Variants in PCSK2 observed in about 807,000 individuals in gnomAD.
PCSK2 encodes neuroendocrine convertase 2.
PCSK2 carries 14 observed loss-of-function variants against 69.7 expected under a neutral mutation model. The observed-to-expected ratio is 0.20, with a 90% CI of 0.13 to 0.31. The LOEUF is 0.31. Ranked by LOEUF, PCSK2 falls within the 10% of genes least tolerant of loss-of-function variation. The pLI, the probability that PCSK2 is intolerant of heterozygous loss-of-function variation, is 1.00. For synonymous variants in PCSK2, 307 were observed against 320.7 expected, an observed-to-expected ratio of 0.96 and a Z score of 0.46; for missense variants, 544 against 842.5, an observed-to-expected ratio of 0.65 and a Z score of 4.39.
chr20:17,304,109 A>C (rs547099852), intron 2 of PCSK2, among the ~76,000 whole-genome samples: 1 of 152,106 alleles, frequency 6.6e-6, no homozygotes, highest in East Asian at 1.9e-4. Flanking sequence ...TTTCATCTAC[A>C]AAATGGAGAT....
intron 2 of PCSK2, among the ~76,000 whole-genome samples, chr20:17,262,590 G>A (rs1263960345): frequency 2.0e-5 from 3 of 152,044 alleles, no homozygotes; most frequent in Non-Finnish European, 4.4e-5. Context: ...AAATAGAGTG[G>A]CAACTATTCT....
At chr20:17,449,526 G>GTGTATATATATATGTATGTATGTATATA (rs1555796488) in intron 8 of PCSK2, among the ~76,000 whole-genome samples, 1 of 130,690 alleles carries the variant, frequency 7.7e-6, no homozygotes, top group African/African-American at 3.0e-5. Context: ...ATGTATGTAT[G>GTGTATATATATATGTATGTATGTATATA]TATATATATA....
At chr20:17,460,192 G>A (rs1185476279) in intron 10 of PCSK2, among the ~76,000 whole-genome samples, 2 of 151,424 alleles carry the variant, frequency 1.3e-5, no homozygotes, top group Non-Finnish European at 2.9e-5. Context: ...AAAAGGAGAA[G>A]CACAAAGGGC....
intron 5 of PCSK2, among the ~76,000 whole-genome samples, chr20:17,405,596 T>C (rs1199182860): frequency 1.3e-5 from 2 of 152,206 alleles, no homozygotes; most frequent in Non-Finnish European, 2.9e-5. Flanking sequence ...TCTGTGAATA[T>C]AATAAGTGAC....
rs895500352 is a variant in PCSK2 at position 17,369,253 on chromosome 20, C to A, written c.519C>A (p.Leu173=). The A allele has an allele frequency of 6.2e-7, 1 of 1,613,756 alleles. No individual in the cohort carries two copies. The highest frequency in any genetic ancestry group is 1.3e-5 in the African/African-American group (1 of 74,938). Residue 173 remains leucine (L), a synonymous_variant, in exon 5 of 12, where the codon CTC becomes CTA. Transcript: ENST00000262545. Reference sequence around the variant, plus strand: ...GTCTTTTCACAGGGATTGACTATCTCCACCCGGACCTGGCCTCCAACTATG... The same window carrying A: ...GTCTTTTCACAGGGATTGACTATCTACACCCGGACCTGGCCTCCAACTATG... ...IGIMDDGIDY[L]HPDLASNYNA...
At chr20:17,414,860 G>A (rs1259896411) in intron 6 of PCSK2, among the ~76,000 whole-genome samples, 1 of 152,148 alleles carries the variant, frequency 6.6e-6, no homozygotes, top group Non-Finnish European at 1.5e-5. Flanking sequence ...CTTCATCCCT[G>A]GAATGCAAGG....
chr20:17,256,401 T>A (rs1295923725), intron 1 of PCSK2, among the ~76,000 whole-genome samples: 1 of 152,138 alleles, frequency 6.6e-6, no homozygotes, highest in Non-Finnish European at 1.5e-5. Flanking sequence ...ACATCTGGGC[T>A]TCCTCAGAGA....
intron 1 of PCSK2, among the ~76,000 whole-genome samples, chr20:17,239,917 G>A (rs527957743): frequency 5.8e-4 from 80 of 138,354 alleles, no homozygotes; most frequent in South Asian, 4.0e-3. Flanking sequence ...GCAATGGCGC[G>A]ATCTCAGCTC....
chr20:17,227,495 A>G lies in PCSK2; in HGVS notation c.177+13A>G, dbSNP rs748078992. 2 of 1,607,630 alleles carry G rather than the reference A, an allele frequency of 1.2e-6. No individual in the cohort carries two copies. Among genetic ancestry groups the G allele is most frequent in the Non-Finnish European group, 1.7e-6 (2 of 1,174,786 alleles). ...TGGAGTCCGAAAGGTAAGCTCTCCC[A>G]TGCATTTCGCATGTTGTTTCAAAAC... On this transcript the variant is annotated intron_variant, in intron 1 of 11. Coordinates refer to ENST00000262545, the MANE Select transcript of PCSK2 (RefSeq NM_002594.5).
At chr20:17,292,585 A>G (rs1988735014) in intron 2 of PCSK2, among the ~76,000 whole-genome samples, 1 of 152,194 alleles carries the variant, frequency 6.6e-6, no homozygotes, top group Non-Finnish European at 1.5e-5. Context: ...AAATATTTGG[A>G]TTCAATTTCC....
intron 6 of PCSK2, among the ~76,000 whole-genome samples, chr20:17,424,870 C>T (rs1600569571): frequency 1.3e-5 from 2 of 152,168 alleles, no homozygotes; most frequent in South Asian, 2.1e-4. Context: ...CTGTAACCTC[C>T]GACTCCTAGG....
chr20:17,279,145 T>C (rs1470895539), intron 2 of PCSK2, among the ~76,000 whole-genome samples: 1 of 152,168 alleles, frequency 6.6e-6, no homozygotes, highest in Non-Finnish European at 1.5e-5. Context: ...TTCATTTCCC[T>C]TTCTCAGATT....
intron 5 of PCSK2, among the ~76,000 whole-genome samples, chr20:17,381,723 C>T (rs961510520): frequency 6.6e-6 from 1 of 152,112 alleles, no homozygotes; most frequent in African/African-American, 2.4e-5. Context: ...ATGTTCAAGG[C>T]GTTGAAGCTA....
At chr20:17,326,501 C>T (rs1990058000) in intron 2 of PCSK2, among the ~76,000 whole-genome samples, 3 of 152,116 alleles carry the variant, frequency 2.0e-5, no homozygotes, top group South Asian at 2.1e-4. Flanking sequence ...ATATCAACAT[C>T]GTGTCATTAG....
intron 2 of PCSK2, among the ~76,000 whole-genome samples, chr20:17,350,314 A>G (rs2029938742): frequency 6.6e-6 from 1 of 151,400 alleles, no homozygotes; most frequent in Non-Finnish European, 1.5e-5. Context: ...TTACACAATC[A>G]AGGACATCAT....
chr20:17,352,435 C>T (rs1047040579), intron 2 of PCSK2, among the ~76,000 whole-genome samples: 5 of 152,150 alleles, frequency 3.3e-5, no homozygotes, highest in Non-Finnish European at 7.3e-5. Flanking sequence ...ATTGCATTAC[C>T]CAATGTCATA....
chr20:17,288,353 G>A (rs1988588483), intron 2 of PCSK2, among the ~76,000 whole-genome samples: 1 of 152,178 alleles, frequency 6.6e-6, no homozygotes, highest in South Asian at 2.1e-4. Context: ...ACAGAGGAGG[G>A]TGGCTTCGAT....
intron 2 of PCSK2, among the ~76,000 whole-genome samples, chr20:17,275,945 A>T (rs1988056631): frequency 6.6e-6 from 1 of 152,138 alleles, no homozygotes. Context: ...AACCACATCT[A>T]TACAATGTGG....
chr20:17,413,457 G>A (rs893143222), intron 6 of PCSK2, among the ~76,000 whole-genome samples: 4 of 152,158 alleles, frequency 2.6e-5, no homozygotes, highest in African/African-American at 9.7e-5. Context: ...TAATGGTAAA[G>A]GGATCAATTC....
Sources: allele counts gnomAD v4.1 joint callset (sites outside exome capture counted in the v4.1 genomes callset), GRCh38; gene constraint gnomAD v4.1.1; transcripts MANE v1.5; gene names NCBI Gene and HGNC (gene_info 2026-07-23, HGNC 2026-07-21).